Variants in PICALM observed in about 807,000 individuals in gnomAD.
PICALM encodes phosphatidylinositol-binding clathrin assembly protein.
Under a neutral mutation model 80.5 loss-of-function variants are expected in PICALM, and 40 were observed. The ratio of observed to expected loss-of-function variants is 0.50; its 90% CI spans 0.39 to 0.65. The LOEUF (loss-of-function observed/expected upper bound fraction) is 0.65. Among genes scored for constraint, PICALM ranks in the 30% least tolerant of loss-of-function variants. The pLI, the probability that PICALM is intolerant of heterozygous loss-of-function variation, is 0.00. For synonymous variants in PICALM, 288 were observed against 260.3 expected (o/e 1.11, Z -1.02); for missense variants, 676 against 778.9 (o/e 0.87, Z 1.57).
intron 17 of PICALM, among the ~76,000 whole-genome samples, chr11:85,978,904 T>A (rs1055942248): frequency 4.6e-5 from 7 of 152,190 alleles, no homozygotes; most frequent in Non-Finnish European, 8.8e-5. Context: ...TCATTCCTCA[T>A]ACATCATCAA....
At chr11:86,024,087 C>G (rs1248617475) in intron 3 of PICALM, among the ~76,000 whole-genome samples, 2 of 152,072 alleles carry the variant, frequency 1.3e-5, no homozygotes, top group African/African-American at 2.4e-5. Context: ...TACGATCATA[C>G]CACTGCACCC....
chr11:86,058,288 G>T (rs1377416227), intron 1 of PICALM, among the ~76,000 whole-genome samples: 1 of 152,112 alleles, frequency 6.6e-6, no homozygotes. Context: ...TTATAATCAC[G>T]TGGGACCTAT....
intron 3 of PICALM, chr11:86,023,654 A>T (rs910918766): frequency 2.8e-6 from 2 of 713,104 alleles, no homozygotes; most frequent in African/African-American, 3.9e-5. Context: ...ACTTGGATAT[A>T]TGCATAAACT....
chr11:86,037,272 T>TC (rs1241338797), intron 1 of PICALM, among the ~76,000 whole-genome samples: 1 of 147,166 alleles, frequency 6.8e-6, no homozygotes, highest in Non-Finnish European at 1.5e-5. Context: ...TTTTTTTTTT[T>TC]TTTTTGAGAC....
intron 4 of PICALM, among the ~76,000 whole-genome samples, chr11:86,016,743 T>G (rs1484323580): frequency 1.3e-5 from 2 of 152,188 alleles, no homozygotes; most frequent in Non-Finnish European, 2.9e-5. Flanking sequence ...CCAGCAATCC[T>G]CTTAGCCGTC....
intron 19 of PICALM, among the ~76,000 whole-genome samples, chr11:85,970,406 G>T (rs1220357013): frequency 6.6e-6 from 1 of 152,184 alleles, no homozygotes; most frequent in Non-Finnish European, 1.5e-5. Context: ...TGGAATCGAA[G>T]AACTTGAATA....
At chr11:86,043,634 T>C (rs188552034) in intron 1 of PICALM, among the ~76,000 whole-genome samples, 5 of 152,342 alleles carry the variant, frequency 3.3e-5, no homozygotes, top group East Asian at 1.9e-4. Flanking sequence ...CAGCGCCTTA[T>C]ACATGTGTTC....
At chr11:85,978,286 G>A in intron 17 of PICALM, 1 of 503,352 alleles carries the variant, frequency 2.0e-6, no homozygotes. Context: ...CAAGGGAATT[G>A]TAGTCTTTGG....
rs1314656386 is a variant in PICALM, at chr11:85,957,457, T to A, written c.*1589A>T. ...AGGCATCTGATCAAAAGACAAAAAG[T>A]GAACAATTTTAATAAGTAGTTGCAT... is the stretch of plus-strand genomic sequence containing the variant. On this transcript the variant is annotated 3_prime_UTR_variant, in exon 20 of 20. Transcript: ENST00000393346. Among the ~76,000 whole-genome samples, 1 of 152,158 alleles carries A rather than the reference T, an allele frequency of 6.6e-6. No individual in the cohort carries two copies. The highest frequency in any genetic ancestry group is 1.5e-5 in the Non-Finnish European group (1 of 68,016).
chr11:85,966,078 C>G (rs11234496), intron 19 of PICALM, among the ~76,000 whole-genome samples: 30,892 of 151,974 alleles, frequency 0.2, 3,470 homozygotes, highest in Middle Eastern at 0.24. Context: ...CCCAGCCTCC[C>G]AAAGTGCTGG....
chr11:86,026,704 C>T (rs1005448946), intron 2 of PICALM, among the ~76,000 whole-genome samples: 4 of 152,012 alleles, frequency 2.6e-5, no homozygotes, highest in African/African-American at 7.2e-5. Flanking sequence ...TTTAAACAGC[C>T]GTCTGGTAAA....
intron 1 of PICALM, among the ~76,000 whole-genome samples, chr11:86,060,209 G>C (rs570630890): frequency 6.6e-6 from 1 of 152,072 alleles, no homozygotes; most frequent in Non-Finnish European, 1.5e-5. Flanking sequence ...ATCCCTAAAG[G>C]TGCATTTTTT....
intron 9 of PICALM, among the ~76,000 whole-genome samples, chr11:86,001,859 C>G (rs2095155744): frequency 6.6e-6 from 1 of 152,186 alleles, no homozygotes; most frequent in South Asian, 2.1e-4. Context: ...CAAATGTTAA[C>G]TCTAGGCTAA....
chr11:85,989,404 G>A (rs1343361923), intron 13 of PICALM, among the ~76,000 whole-genome samples: 1 of 152,080 alleles, frequency 6.6e-6, no homozygotes, highest in Non-Finnish European at 1.5e-5. Context: ...ATGATTTGTT[G>A]AGGGTATACT....
chr11:86,065,455 A>AT (rs5793179), intron 1 of PICALM, among the ~76,000 whole-genome samples: 24,545 of 151,706 alleles, frequency 0.16, 2,524 homozygotes, highest in Middle Eastern at 0.24. Context: ...AAAAAAAAAA[A>AT]TTTGTTTTTT....
intron 7 of PICALM, among the ~76,000 whole-genome samples, chr11:86,009,988 A>G (rs1341923775): frequency 1.3e-5 from 2 of 152,234 alleles, no homozygotes; most frequent in African/African-American, 4.8e-5. Flanking sequence ...TGCATCTAAT[A>G]TAGAATAATA....
intron 1 of PICALM, among the ~76,000 whole-genome samples, chr11:86,045,112 A>G (rs2096048829): frequency 6.6e-6 from 1 of 152,228 alleles, no homozygotes; most frequent in Non-Finnish European, 1.5e-5. Flanking sequence ...ATACTCTCTA[A>G]GTGGAAAATA....
chr11:86,051,205 CA>C (rs1283039965), intron 1 of PICALM, among the ~76,000 whole-genome samples: 1 of 151,922 alleles, frequency 6.6e-6, no homozygotes, highest in Non-Finnish European at 1.5e-5. Flanking sequence ...AAGCCTACAA[CA>C]AAAAAAGCTA....
intron 1 of PICALM, among the ~76,000 whole-genome samples, chr11:86,047,771 A>G (rs2096100791): frequency 6.6e-6 from 1 of 152,182 alleles, no homozygotes. Context: ...TATAAGCCCA[A>G]GGACAGGAAG....
Sources: gnomAD v4.1 joint callset for allele counts (sites outside exome capture counted in the v4.1 genomes callset) on GRCh38, gnomAD v4.1.1 for gene constraint, MANE v1.5 for transcripts, NCBI Gene and HGNC (gene_info 2026-07-23, HGNC 2026-07-21) for gene names.